Variants in PTPRB observed in about 807,000 individuals in gnomAD.
PTPRB encodes receptor-type tyrosine-protein phosphatase beta.
In PTPRB, 97 loss-of-function variants were observed where a neutral mutation model predicts 238.1. That is an observed-to-expected ratio of 0.41 (90% CI 0.35 to 0.48). The LOEUF is 0.48. Ranked by LOEUF, PTPRB falls within the 20% of genes least tolerant of loss-of-function variation. PTPRB has a pLI of 0.30. For missense variants in PTPRB, 2,292 were observed against 2,681.9 expected (o/e 0.85, Z 3.21); for synonymous variants, 970 against 995.4 (o/e 0.97, Z 0.48).
In PTPRB at chr12:70,571,090, G is replaced by T; in HGVS notation, c.3306C>A (p.Tyr1102Ter). 1 of 1,613,982 alleles carries T rather than the reference G, an allele frequency of 6.2e-7. No individual in the cohort carries two copies. Among genetic ancestry groups the T allele is most frequent in the Non-Finnish European group, 8.5e-7 (1 of 1,179,886 alleles). Reference sequence around the variant, plus strand: ...CGCTAATCGTCAAGACAAGAATTTTGTATTGGCGGCCTGGTGTTAGGGAAG... The same window carrying T: ...CGCTAATCGTCAAGACAAGAATTTTTTATTGGCGGCCTGGTGTTAGGGAAG... ...RFTSLTPGRQ[Y>*]KILVLTISGD... Residue 1102 changes from tyrosine (Y) to a stop codon, truncating the protein, a stop_gained, in exon 13 of 34, where the codon TAC (tyrosine) becomes TAA (stop). Coordinates refer to ENST00000334414, the MANE Select transcript of PTPRB (RefSeq NM_001109754.4). LOFTEE classifies it high-confidence loss of function.
intron 10 of PTPRB, among the ~76,000 whole-genome samples, chr12:70,578,353 C>A (rs1484145683): frequency 6.6e-6 from 1 of 152,104 alleles, no homozygotes; most frequent in Non-Finnish European, 1.5e-5. Context: ...CCACTGAATT[C>A]TTTACAATTG....
chr12:70,556,958 C>T (rs1877776859), intron 18 of PTPRB, among the ~76,000 whole-genome samples: 1 of 152,120 alleles, frequency 6.6e-6, no homozygotes, highest in Non-Finnish European at 1.5e-5. Flanking sequence ...TAGCTCTAAC[C>T]TCTACAAATG....
intron 3 of PTPRB, among the ~76,000 whole-genome samples, chr12:70,621,045 G>A (rs377216389): frequency 5.9e-5 from 9 of 152,104 alleles, no homozygotes; most frequent in East Asian, 3.8e-4. Context: ...AAAAGTAAGC[G>A]GTGAATCTCT....
At chr12:70,530,778 A>G (rs545787073) in intron 32 of PTPRB, among the ~76,000 whole-genome samples, 88 of 152,244 alleles carry the variant, frequency 5.8e-4, no homozygotes, top group African/African-American at 2.1e-3. Context: ...GGCTCTTGCT[A>G]TGTGGCCTAG....
intron 21 of PTPRB, among the ~76,000 whole-genome samples, chr12:70,548,201 G>A (rs1025594836): frequency 2.6e-5 from 4 of 152,028 alleles, no homozygotes; most frequent in African/African-American, 9.7e-5. Context: ...TGTGATGCGT[G>A]CCTGTAGTCC....
chr12:70,597,647 T>C (rs1376472946), intron 4 of PTPRB, among the ~76,000 whole-genome samples: 2 of 152,142 alleles, frequency 1.3e-5, no homozygotes, highest in African/African-American at 4.8e-5. Context: ...TCAGATATTA[T>C]AATGGCATGG....
chr12:70,572,562 GT>G (rs995024646), intron 11 of PTPRB, among the ~76,000 whole-genome samples: 12 of 152,004 alleles, frequency 7.9e-5, no homozygotes, highest in African/African-American at 2.9e-4. Context: ...GAGGTCAGAA[GT>G]TTGAGAACAG....
chr12:70,586,920 C>T, intron 9 of PTPRB, 87 bp downstream of exon 9: 1 of 1,291,612 alleles, frequency 7.7e-7, no homozygotes, highest in Non-Finnish European at 1.1e-6. Flanking sequence ...ACATAATAGG[C>T]AGTTAATGAA....
intron 32 of PTPRB, among the ~76,000 whole-genome samples, chr12:70,526,856 A>C (rs1165938509): frequency 6.6e-6 from 1 of 152,152 alleles, no homozygotes; most frequent in African/African-American, 2.4e-5. Flanking sequence ...CCTATTAATA[A>C]ATTCTTTAAC....
intron 32 of PTPRB, among the ~76,000 whole-genome samples, chr12:70,530,586 G>C (rs1488676536): frequency 1.3e-5 from 2 of 152,110 alleles, no homozygotes; most frequent in Non-Finnish European, 2.9e-5. Context: ...AGTGGGATTT[G>C]CTTTAAAATA....
At chr12:70,597,281 C>A (rs1377942656) in intron 4 of PTPRB, among the ~76,000 whole-genome samples, 1 of 152,116 alleles carries the variant, frequency 6.6e-6, no homozygotes, top group Admixed American at 6.5e-5. Context: ...TGCCAGAGCA[C>A]CCAGAGTAAG....
chr12:70,582,692 A>T (rs1055976005), intron 9 of PTPRB, among the ~76,000 whole-genome samples: 5 of 152,300 alleles, frequency 3.3e-5, no homozygotes, highest in South Asian at 2.1e-4. Flanking sequence ...CTACATTTAA[A>T]ACCTAAAACT....
At chr12:70,525,111 T>C (rs1018647180) in intron 32 of PTPRB, among the ~76,000 whole-genome samples, 1 of 152,060 alleles carries the variant, frequency 6.6e-6, no homozygotes, top group Non-Finnish European at 1.5e-5. Context: ...GTAAATTACC[T>C]CATTTAATGA....
chr12:70,623,309 C>T (rs11178333), intron 2 of PTPRB, among the ~76,000 whole-genome samples: 26,249 of 152,032 alleles, frequency 0.17, 2,703 homozygotes, highest in East Asian at 0.37. Flanking sequence ...GTGGGATTAA[C>T]TTATAGCTTT....
intron 4 of PTPRB, among the ~76,000 whole-genome samples, chr12:70,600,024 T>G (rs1049351375): frequency 2.6e-5 from 4 of 151,962 alleles, no homozygotes; most frequent in African/African-American, 7.3e-5. Flanking sequence ...GAAAGCTATA[T>G]TTATAGCACA....
intron 4 of PTPRB, among the ~76,000 whole-genome samples, chr12:70,606,797 C>T (rs920323391): frequency 1.3e-5 from 2 of 152,120 alleles, no homozygotes; most frequent in African/African-American, 4.8e-5. Flanking sequence ...TAAATAACAA[C>T]CGACTAAAAA....
rs763372330 is a variant in PTPRB, at chr12:70,539,799, A to G, written c.5696+28T>C. The G allele has an allele frequency of 4.4e-6, 7 of 1,598,062 alleles. No individual in the cohort carries two copies. In the African/African-American group the frequency reaches 9.4e-5, roughly 21 times the overall value. ...GACTCATATTTCAAAGGCAGATAAT[A>G]TAGTAATTAATGTGTTCTCTCTCTT... On this transcript the variant is annotated intron_variant, in intron 25 of 33. Coordinates refer to ENST00000334414, the MANE Select transcript of PTPRB (RefSeq NM_001109754.4).
At chr12:70,584,863 T>C (rs1881732574) in intron 9 of PTPRB, 1 of 151,918 alleles carries the variant, frequency 6.6e-6, no homozygotes, top group Non-Finnish European at 1.5e-5. Flanking sequence ...TCTAAACAGA[T>C]GTTGACTATA....
At chr12:70,627,101 A>T (rs1885239300) in intron 2 of PTPRB, among the ~76,000 whole-genome samples, 1 of 152,196 alleles carries the variant, frequency 6.6e-6, no homozygotes, top group African/African-American at 2.4e-5. Flanking sequence ...GCCAACTATT[A>T]CTCAACGATT....
Sources: allele counts gnomAD v4.1 joint callset (sites outside exome capture counted in the v4.1 genomes callset), GRCh38; gene constraint gnomAD v4.1.1; transcripts MANE v1.5; gene names NCBI Gene and HGNC (gene_info 2026-07-23, HGNC 2026-07-21).